Variants in RAB7B observed in about 807,000 individuals in gnomAD.
The protein encoded by RAB7B is RAB7B, member RAS oncogene family, also known as ras-related protein Rab-7b.
chr1:205,991,236 A>C (rs1311519420), intron 4 of RAB7B, among the ~76,000 whole-genome samples: 3 of 152,180 alleles, frequency 2.0e-5, no homozygotes, highest in African/African-American at 7.2e-5. Flanking sequence ...CTAAGGACCT[A>C]TTCCCTCTCT....
At chr1:205,981,532 C>G (rs1660491057) in intron 5 of RAB7B, among the ~76,000 whole-genome samples, 1 of 150,682 alleles carries the variant, frequency 6.6e-6, no homozygotes, top group East Asian at 1.9e-4. Flanking sequence ...AACACCTACT[C>G]TGGTTTCTTT....
rs937125803 is a variant in RAB7B at position 205,993,407 on chromosome 1, G to C, written c.180+13C>G. The C allele has an allele frequency of 6.5e-5, 26 of 398,470 alleles. No homozygotes were observed. Among genetic ancestry groups the C allele is most frequent in the Non-Finnish European group, 9.3e-5 (21 of 226,060 alleles). 24.7% of individuals were successfully genotyped at this position (398,470 alleles called of 1,614,324 possible). On this transcript the variant is annotated intron_variant, in intron 3 of 5. Coordinates refer to ENST00000617070, the MANE Select transcript of RAB7B (RefSeq NM_001164522.3). ...TGTATGTATGTTGAAGAGGGAAAAG[G>C]AGGGCTGCTCACCTGTAACTTCAAA...
intron 4 of RAB7B, among the ~76,000 whole-genome samples, chr1:205,989,390 C>T (rs1472025257): frequency 1.3e-5 from 2 of 152,114 alleles, no homozygotes; most frequent in Admixed American, 6.5e-5. Flanking sequence ...ATTGGACCCC[C>T]TCTACTCCCG....
In RAB7B at chr1:205,977,575, C is replaced by T. The variant is rs1380629772; in HGVS notation, c.*1276G>A. The T allele has an allele frequency of 6.6e-6, 1 of 152,196 alleles. No individual in the cohort carries two copies. Among genetic ancestry groups the T allele is most frequent in the African/African-American group, 2.4e-5 (1 of 41,442 alleles). 9.4% of individuals were successfully genotyped at this position (152,196 alleles called of 1,614,324 possible). On this transcript the variant is annotated 3_prime_UTR_variant, in exon 6 of 6. Transcript: ENST00000617070. ...CTGGAAGAGAAGGAGCACTGCTGCC[C>T]TCTGGTGGTCAGGCAGCAGAGCATC...
rs1488410761 is a variant in RAB7B at position 205,977,472 on chromosome 1, C to A, written c.*1379G>T. ...CAAAGGGCTAAACATGCCTCCAAGC[C>A]CATGAACAAGCTTTGAGCATCTGAA... is the stretch of plus-strand genomic sequence containing the variant. On this transcript the variant is annotated 3_prime_UTR_variant, in exon 6 of 6. Transcript: ENST00000617070. 6.6e-6 allele frequency: 1 copy of A among 152,172 alleles called. No homozygotes were observed. Among genetic ancestry groups the A allele is most frequent in the East Asian group, 1.9e-4 (1 of 5,202 alleles). The allele number at this position is 152,172 out of a possible 1,614,324, so 9.4% of individuals were successfully genotyped here.
intron 4 of RAB7B, among the ~76,000 whole-genome samples, chr1:205,989,338 T>G (rs1248254941): frequency 6.6e-6 from 1 of 152,032 alleles, no homozygotes; most frequent in Non-Finnish European, 1.5e-5. Context: ...CCTTTGTTCT[T>G]CCTCTCTCTG....
intron 1 of RAB7B, among the ~76,000 whole-genome samples, chr1:206,000,027 G>A (rs1660867758): frequency 6.6e-6 from 1 of 152,154 alleles, no homozygotes; most frequent in Non-Finnish European, 1.5e-5. Context: ...TCCCACCTAG[G>A]CCTCTCAAAA....
rs998273093 is a variant in RAB7B at position 206,003,026 on chromosome 1, G to A, written c.-17+227C>T. On this transcript the variant is annotated intron_variant, in intron 1 of 5. Coordinates refer to ENST00000617070, the MANE Select transcript of RAB7B (RefSeq NM_001164522.3). ...GGACTGATGGCCTTTGTGGGTCTCC[G>A]AGCTGGGCCTCAGCTCTTCGCACAG... is the stretch of plus-strand genomic sequence containing the variant. Among the ~76,000 whole-genome samples the A allele has an allele frequency of 3.3e-5, 5 of 152,212 alleles. 1 individual carries two copies. In the South Asian group the frequency reaches 6.2e-4, roughly 19 times the overall value.
chr1:205,997,945 G>A (rs1015965976), intron 1 of RAB7B, among the ~76,000 whole-genome samples: 1 of 152,200 alleles, frequency 6.6e-6, no homozygotes, highest in Non-Finnish European at 1.5e-5. Context: ...CCGAGGGCAG[G>A]CCATCTTCAC....
At chr1:205,987,163 G>T (rs1660624643) in intron 4 of RAB7B, among the ~76,000 whole-genome samples, 1 of 152,014 alleles carries the variant, frequency 6.6e-6, no homozygotes, top group African/African-American at 2.4e-5. Context: ...CAGAAAGCTG[G>T]CCTGGGAAGA....
intron 4 of RAB7B, among the ~76,000 whole-genome samples, chr1:205,990,807 A>ATTT (rs1660708979): frequency 8.0e-5 from 1 of 12,472 alleles, no homozygotes; most frequent in Admixed American, 6.3e-4. Context: ...TTTTTTTTTG[A>ATTT]GATGAAGTCT....
chr1:206,001,210 C>A (rs1021603067), intron 1 of RAB7B, among the ~76,000 whole-genome samples: 1 of 151,506 alleles, frequency 6.6e-6, no homozygotes, highest in East Asian at 1.9e-4. Flanking sequence ...AGGAGGCACA[C>A]GCAGATCTCA....
chr1:205,980,743 A>G (rs1660476688), intron 5 of RAB7B, among the ~76,000 whole-genome samples: 1 of 152,168 alleles, frequency 6.6e-6, no homozygotes, highest in African/African-American at 2.4e-5. Flanking sequence ...GCCTCTAGGC[A>G]ATATCTCATG....
chr1:205,981,560 T>A (rs1012703855), intron 5 of RAB7B, among the ~76,000 whole-genome samples: 2,087 of 16,360 alleles, frequency 0.13, 67 homozygotes, highest in South Asian at 0.17. Context: ...TTAACTGAAC[T>A]CCTACTGTGG....
chr1:205,988,713 C>T (rs1371754357), intron 4 of RAB7B, among the ~76,000 whole-genome samples: 3 of 152,168 alleles, frequency 2.0e-5, no homozygotes, highest in Admixed American at 6.5e-5. Flanking sequence ...TTCTGGTCTC[C>T]GCCCCGCAGA....
chr1:206,000,923 A>T (rs1660880558), intron 1 of RAB7B, among the ~76,000 whole-genome samples: 1 of 152,220 alleles, frequency 6.6e-6, no homozygotes, highest in South Asian at 2.1e-4. Context: ...AGGGCCACAC[A>T]AAAAGTGCTC....
chr1:205,988,981 G>T (rs2102637533), intron 4 of RAB7B, among the ~76,000 whole-genome samples: 1 of 152,090 alleles, frequency 6.6e-6, no homozygotes, highest in East Asian at 1.9e-4. Context: ...AAGCCCTTCT[G>T]CTCTCTCCCA....
intron 4 of RAB7B, among the ~76,000 whole-genome samples, chr1:205,991,863 C>T (rs925527953): frequency 5.3e-5 from 8 of 152,320 alleles, no homozygotes; most frequent in South Asian, 2.1e-4. Flanking sequence ...TTCTCAATGC[C>T]GTGTAATGGT....
chr1:205,996,570 G>C (rs1660816113), intron 1 of RAB7B, among the ~76,000 whole-genome samples: 1 of 152,168 alleles, frequency 6.6e-6, no homozygotes, highest in Non-Finnish European at 1.5e-5. Flanking sequence ...GGACCTCATT[G>C]GCCATGAGAG....
Sources: allele counts gnomAD v4.1 joint callset (sites outside exome capture counted in the v4.1 genomes callset), GRCh38; gene constraint gnomAD v4.1.1; transcripts MANE v1.5; gene names NCBI Gene and HGNC (gene_info 2026-07-23, HGNC 2026-07-21).